SYNE2: variants seen among roughly 807,000 people sequenced by gnomAD.
SYNE2 encodes the protein spectrin repeat containing nuclear envelope protein 2, also known as nesprin-2.
In SYNE2, 431 loss-of-function variants were observed where a neutral mutation model predicts 856.3. The observed-to-expected ratio is 0.50, with a 90% confidence interval of 0.47 to 0.55. The LOEUF is 0.55. Ranked by LOEUF, SYNE2 falls within the 20% of genes least tolerant of loss-of-function variation. SYNE2 has a pLI of 0.00. For missense variants in SYNE2, 8,129 were observed against 8,023.2 expected, an observed-to-expected ratio of 1.01 and a Z score of -0.50; for synonymous variants, 2,923 against 2,872.3, an observed-to-expected ratio of 1.02 and a Z score of -0.56.
In SYNE2 at chr14:64,002,086, G is replaced by C; in HGVS notation, c.3786+5G>C. 1 of 1,603,030 alleles carries C rather than the reference G, an allele frequency of 6.2e-7. No homozygotes were observed. The highest frequency in any genetic ancestry group is 8.5e-7 in the Non-Finnish European group (1 of 1,170,152). Reference sequence around the variant, plus strand: ...CGCATCTATCAACACCTAAGGGTAAGTATATAAGTTCTCACAGTGTATTTA... The same window carrying C: ...CGCATCTATCAACACCTAAGGGTAACTATATAAGTTCTCACAGTGTATTTA... On this transcript the variant is annotated splice_donor_5th_base_variant and intron_variant, in intron 29 of 115. Transcript: ENST00000555002.
Position 63,965,142 on chromosome 14 carries a change from T to A in SYNE2, c.990+1142T>A, listed in dbSNP as rs554492397. ...CAGGCCCGGCTAATTTTTATATTTT[T>A]AGTGGAGATGGGTTTTCACTATGTT... On this transcript the variant is annotated intron_variant, in intron 10 of 115. Transcript: ENST00000555002. Among the ~76,000 whole-genome samples, 261 of 152,056 alleles carry A rather than the reference T, an allele frequency of 1.7e-3. 1 individual carries two copies. The highest frequency in any genetic ancestry group is 6.0e-3 in the African/African-American group (248 of 41,474).
chr14:63,778,934 A>G (rs1041682563), intron 1 of SYNE2, among the ~76,000 whole-genome samples: 24 of 132,596 alleles, frequency 1.8e-4, no homozygotes, highest in African/African-American at 8.1e-4. Context: ...AAAGTAGCTC[A>G]TGGCTATGAG....
At chr14:63,939,884 A>T (rs1328133012) in intron 2 of SYNE2, among the ~76,000 whole-genome samples, 1 of 152,192 alleles carries the variant, frequency 6.6e-6, no homozygotes, top group African/African-American at 2.4e-5. Flanking sequence ...GTGGCGATAT[A>T]TTCTCCATGA....
intron 112 of SYNE2, 133 bp from the exon 113 acceptor site, chr14:64,223,049 TATGAGAA>T: frequency 1.3e-6 from 1 of 783,582 alleles, no homozygotes; most frequent in Non-Finnish European, 2.2e-6. Flanking sequence ...CACAGGCAGA[TATGAGAA>T]ATAGAGGATT....
chr14:63,955,594 C>T (rs967196063), intron 8 of SYNE2, among the ~76,000 whole-genome samples: 39 of 151,968 alleles, frequency 2.6e-4, no homozygotes, highest in South Asian at 4.2e-4. Flanking sequence ...TTATGATGAA[C>T]GAATAGGTCA....
rs886042642 is a variant in SYNE2 at position 64,225,055 on chromosome 14, C to T, written c.20516+10C>T. The T allele has an allele frequency of 2.5e-6, 4 of 1,613,820 alleles. No homozygotes were observed. Among genetic ancestry groups the T allele is most frequent in the Non-Finnish European group, 3.4e-6 (4 of 1,179,842 alleles). ...AGGAGACAGAGAGCAGGTAACGGGG[C>T]TTTACCGTGACAGCAGTGCGTTCCC... is the stretch of plus-strand genomic sequence containing the variant. On this transcript the variant is annotated intron_variant, in intron 115 of 115. Coordinates refer to ENST00000555002, the MANE Select transcript of SYNE2 (RefSeq NM_182914.3).
intron 2 of SYNE2, among the ~76,000 whole-genome samples, chr14:63,912,813 T>A (rs957903155): frequency 3.3e-5 from 5 of 152,234 alleles, no homozygotes; most frequent in African/African-American, 1.2e-4. Context: ...GCCCTGAAGA[T>A]CAGGCAGTGC....
At chr14:63,856,808 A>G (rs554745444) in intron 1 of SYNE2, among the ~76,000 whole-genome samples, 6 of 152,180 alleles carry the variant, frequency 3.9e-5, no homozygotes, top group East Asian at 1.9e-4. Flanking sequence ...GTCTCGTTCT[A>G]TCACCCAGGC....
rs2097147367 is a variant in SYNE2 at position 64,041,414 on chromosome 14, C to G, written c.7222-6586C>G. Among the ~76,000 whole-genome samples, 4 of 152,072 alleles carry G rather than the reference C, an allele frequency of 2.6e-5. No homozygotes were observed. The South Asian group carries it at 8.3e-4, about 32-fold the overall frequency. On this transcript the variant is annotated intron_variant, in intron 45 of 115. Transcript: ENST00000555002. ...AAGACAATCTACTGAAAGATAATGA[C>G]AATGCATGTAACTATTAGAAGATTA...
chr14:64,109,734 C>G (rs1255143937), intron 65 of SYNE2, among the ~76,000 whole-genome samples: 3 of 152,190 alleles, frequency 2.0e-5, no homozygotes, highest in Non-Finnish European at 4.4e-5. Flanking sequence ...TTCCATACCT[C>G]TTGGTGACTG....
At chr14:64,147,662 C>T (rs2098199302) in intron 84 of SYNE2, among the ~76,000 whole-genome samples, 1 of 152,162 alleles carries the variant, frequency 6.6e-6, no homozygotes, top group East Asian at 1.9e-4. Flanking sequence ...AGCAAGCAAG[C>T]ACTAAAAATA....
At chr14:64,159,551 G>T in intron 87 of SYNE2, 109 bp downstream of exon 87, 1 of 1,277,918 alleles carries the variant, frequency 7.8e-7, no homozygotes, top group Non-Finnish European at 1.1e-6. Context: ...GAGATGACTG[G>T]TTTCCTACTG....
At chr14:64,196,025 C>T (rs1015101584) in intron 99 of SYNE2, among the ~76,000 whole-genome samples, 1 of 152,140 alleles carries the variant, frequency 6.6e-6, no homozygotes, top group Non-Finnish European at 1.5e-5. Flanking sequence ...AATGAGCAAG[C>T]GGCCTGATGG....
At chr14:63,808,070 T>G (rs1888452042) in intron 1 of SYNE2, among the ~76,000 whole-genome samples, 1 of 121,208 alleles carries the variant, frequency 8.3e-6, no homozygotes, top group Admixed American at 1.1e-4. Context: ...CTTTGCGTCC[T>G]CATAGCTTAG....
intron 2 of SYNE2, among the ~76,000 whole-genome samples, chr14:63,919,499 G>T (rs1309203691): frequency 6.6e-6 from 1 of 152,190 alleles, no homozygotes; most frequent in Non-Finnish European, 1.5e-5. Flanking sequence ...TGGCTGGATT[G>T]TGGTGGGCAA....
At chr14:63,944,305 T>TATATATATATATATATATATAA (rs1351171279) in intron 6 of SYNE2, among the ~76,000 whole-genome samples, 2 of 129,720 alleles carry the variant, frequency 1.5e-5, no homozygotes, top group African/African-American at 5.7e-5. Flanking sequence ...TATATATATA[T>TATATATATATATATATATATAA]ATAAATAAAT....
intron 6 of SYNE2, among the ~76,000 whole-genome samples, chr14:63,943,344 A>G (rs2095955282): frequency 6.6e-6 from 1 of 152,256 alleles, no homozygotes; most frequent in Non-Finnish European, 1.5e-5. Flanking sequence ...GAATTCTGAC[A>G]TAGTGCAGGG....
intron 1 of SYNE2, among the ~76,000 whole-genome samples, chr14:63,863,793 G>C (rs1894413135): frequency 6.6e-6 from 1 of 152,100 alleles, no homozygotes; most frequent in East Asian, 1.9e-4. Context: ...GTTTATTAAA[G>C]AGTTAAAGAT....
intron 80 of SYNE2, 113 bp from the exon 81 acceptor site, chr14:64,141,228 A>G (rs1595796198): frequency 1.0e-5 from 8 of 781,622 alleles, no homozygotes; most frequent in East Asian, 2.9e-5. Flanking sequence ...GTGTGTGTGT[A>G]TACACATTCG....
Sources: allele counts gnomAD v4.1 joint callset (sites outside exome capture counted in the v4.1 genomes callset), GRCh38; gene constraint gnomAD v4.1.1; transcripts MANE v1.5; gene names NCBI Gene and HGNC (gene_info 2026-07-23, HGNC 2026-07-21).